The following KIF6 variants were observed in gnomAD, a reference collection of about 807,000 sequenced individuals.
KIF6 encodes kinesin family member 6, also known as kinesin-like protein KIF6.
KIF6 carries 106 observed loss-of-function variants against 112.7 expected under a neutral mutation model. That is an observed-to-expected ratio of 0.94 (90% confidence interval 0.80 to 1.11). The LOEUF (loss-of-function observed/expected upper bound fraction) is 1.11, where lower values mean the gene tolerates loss of function less well. Among genes scored for constraint, KIF6 ranks in the 50% least tolerant of loss-of-function variants. The pLI, the probability that KIF6 is intolerant of heterozygous loss-of-function variation, is 0.00. For missense variants in KIF6, 929 were observed against 964.0 expected, an observed-to-expected ratio of 0.96 and a Z score of 0.48; for synonymous variants, 339 against 339.9, an observed-to-expected ratio of 1.00 and a Z score of 0.03.
At chr6:39,642,311 A>G (rs1784948158) in intron 3 of KIF6, among the ~76,000 whole-genome samples, 1 of 152,198 alleles carries the variant, frequency 6.6e-6, no homozygotes, top group African/African-American at 2.4e-5. Flanking sequence ...ACAAACAGCT[A>G]AACTCAGTAG....
chr6:39,337,663 GC>G (rs772481794), intron 22 of KIF6, among the ~76,000 whole-genome samples: 1 of 151,948 alleles, frequency 6.6e-6, no homozygotes, highest in Non-Finnish European at 1.5e-5. Flanking sequence ...TTCTCTCCTT[GC>G]TTTTTCCTCC....
In KIF6 at chr6:39,457,667, G is replaced by A. The variant is rs541572625; in HGVS notation, c.1646-26506C>T. Among the ~76,000 whole-genome samples the A allele has an allele frequency of 2.3e-3, 348 of 151,664 alleles. 2 individuals carry two copies. Among genetic ancestry groups the A allele is most frequent in the African/African-American group, 7.5e-3 (310 of 41,316 alleles). On this transcript the variant is annotated intron_variant, in intron 13 of 22. Coordinates refer to ENST00000287152, the MANE Select transcript of KIF6 (RefSeq NM_145027.6). The stretch of plus-strand genomic sequence containing the variant: ...AAAGAGAGAAGAATCAAATAGACAC[G>A]ATAAAAAATGATAAAGGGGATATCA...
At chr6:39,685,452 G>A (rs1185948327) in intron 3 of KIF6, among the ~76,000 whole-genome samples, 1 of 152,170 alleles carries the variant, frequency 6.6e-6, no homozygotes, top group East Asian at 1.9e-4. Flanking sequence ...TGAGAGCAAG[G>A]GAAGGGAATG....
At chr6:39,534,601 G>A (rs1172810668) in intron 13 of KIF6, among the ~76,000 whole-genome samples, 1 of 152,212 alleles carries the variant, frequency 6.6e-6, no homozygotes, top group Non-Finnish European at 1.5e-5. Context: ...GTACCTAAAA[G>A]TGATGGGGAG....
At chr6:39,500,861 G>C (rs1776089146) in intron 13 of KIF6, among the ~76,000 whole-genome samples, 2 of 152,126 alleles carry the variant, frequency 1.3e-5, no homozygotes, top group Non-Finnish European at 2.9e-5. Context: ...CAGAGAGGTG[G>C]AAGCCCTCAG....
Position 39,412,971 on chromosome 6 carries a change from G to GAA in KIF6, c.1810+6975_1810+6976dup, listed in dbSNP as rs5875671. On this transcript the variant is annotated intron_variant, in intron 15 of 22. Coordinates refer to ENST00000287152, the MANE Select transcript of KIF6 (RefSeq NM_145027.6). ...CTTCTATCATGATAACCTTATTTTG[G>GAA]AAAAAAAAAATCTGATGTTTTAATA... Among the ~76,000 whole-genome samples, 134 of 150,252 alleles carry GAA rather than the reference G, an allele frequency of 8.9e-4. 2 individuals are homozygous for GAA. The highest frequency in any genetic ancestry group is 7.0e-3 in the East Asian group (36 of 5,120).
At chr6:39,384,198 T>C (rs956684418) in intron 16 of KIF6, among the ~76,000 whole-genome samples, 1 of 152,172 alleles carries the variant, frequency 6.6e-6, no homozygotes, top group African/African-American at 2.4e-5. Flanking sequence ...ACCAGCAACA[T>C]GAAGGCTGAA....
rs1431037553 is a variant in KIF6, at chr6:39,503,736, T to C, written c.1645+36267A>G. Among the ~76,000 whole-genome samples, 4 of 149,828 alleles carry C rather than the reference T, an allele frequency of 2.7e-5. No homozygotes were observed. The Admixed American group carries it at 2.7e-4, about 10-fold the overall frequency. On this transcript the variant is annotated intron_variant, in intron 13 of 22. Transcript: ENST00000287152. ...AACTGGAAAATCCAGAAGAATTGGA[T>C]AAATTCCTGAATACATACACCCTCT...
intron 2 of KIF6, among the ~76,000 whole-genome samples, chr6:39,716,455 T>C (rs1375870042): frequency 6.6e-6 from 1 of 152,180 alleles, no homozygotes; most frequent in East Asian, 1.9e-4. Context: ...CCATTAACTA[T>C]ATATTAAGCA....
In KIF6 at chr6:39,584,172, A is replaced by G. The variant is rs1781466886; in HGVS notation, c.1077+726T>C. Among the ~76,000 whole-genome samples the G allele has an allele frequency of 1.3e-5, 2 of 151,904 alleles. 1 individual carries two copies. Among genetic ancestry groups the G allele is most frequent in the South Asian group, 4.2e-4 (2 of 4,796 alleles). On this transcript the variant is annotated intron_variant, in intron 9 of 22. Coordinates refer to ENST00000287152, the MANE Select transcript of KIF6 (RefSeq NM_145027.6). ...CGCGGTGGCTCACACCTATAATCCT[A>G]GCACTTTGGGAGGCCAAGGTGGGTG...
At chr6:39,661,765 A>T (rs1786163190) in intron 3 of KIF6, among the ~76,000 whole-genome samples, 1 of 152,204 alleles carries the variant, frequency 6.6e-6, no homozygotes, top group Non-Finnish European at 1.5e-5. Context: ...GCCGTTGAAG[A>T]GTTACACAGA....
chr6:39,461,221 A>T (rs529568171), intron 13 of KIF6, among the ~76,000 whole-genome samples: 1 of 152,324 alleles, frequency 6.6e-6, no homozygotes, highest in South Asian at 2.1e-4. Context: ...GTCTATAATG[A>T]CAATTATAGC....
At position 39,560,272 on chromosome 6, in the gene KIF6, T is replaced by C. The variant is rs141199966; in HGVS notation, c.1182-14584A>G. ...CGTAGTGCAAGCATTGCCCACAGCA[T>C]CTAAATGTTTCCCCACTAATAATAT... On this transcript the variant is annotated intron_variant, in intron 10 of 22. Transcript: ENST00000287152. Among the ~76,000 whole-genome samples, 30 of 152,350 alleles carry C rather than the reference T, an allele frequency of 2.0e-4. 1 individual carries two copies. The highest frequency in any genetic ancestry group is 6.0e-4 in the African/African-American group (25 of 41,588).
intron 3 of KIF6, among the ~76,000 whole-genome samples, chr6:39,677,682 C>A (rs961926584): frequency 1.8e-5 from 2 of 110,782 alleles, no homozygotes; most frequent in East Asian, 2.9e-4. Context: ...TCCCTCCCCC[C>A]TCCCCCGACC....
At chr6:39,397,048 A>G (rs1162758460) in intron 15 of KIF6, among the ~76,000 whole-genome samples, 1 of 152,218 alleles carries the variant, frequency 6.6e-6, no homozygotes, top group Non-Finnish European at 1.5e-5. Context: ...AAGGGGGGAC[A>G]GTCACATGTC....
chr6:39,545,264 T>C (rs1332816488), intron 11 of KIF6, among the ~76,000 whole-genome samples: 1 of 152,200 alleles, frequency 6.6e-6, no homozygotes, highest in East Asian at 1.9e-4. Context: ...TATATCAAAC[T>C]GCTGAAAAAA....
chr6:39,410,675 A>T (rs1156289458), intron 15 of KIF6, among the ~76,000 whole-genome samples: 1 of 152,224 alleles, frequency 6.6e-6, no homozygotes, highest in Admixed American at 6.5e-5. Context: ...TACCTTACTA[A>T]TCACTATTAC....
chr6:39,597,883 C>T lies in KIF6; in HGVS notation c.640-1623G>A, dbSNP rs557346625. ...AAACATTAATAATAAATAAAGGACT[C>T]GGCCGGGTGTGGTGGCTCACGTCTG... On this transcript the variant is annotated intron_variant, in intron 6 of 22. Coordinates refer to ENST00000287152, the MANE Select transcript of KIF6 (RefSeq NM_145027.6). Among the ~76,000 whole-genome samples, 19 of 152,044 alleles carry T rather than the reference C, an allele frequency of 1.2e-4. No individual in the cohort carries two copies. In the South Asian group the frequency reaches 2.5e-3, roughly 20 times the overall value.
intron 19 of KIF6, among the ~76,000 whole-genome samples, chr6:39,350,864 CA>C (rs1284978969): frequency 5.9e-5 from 9 of 152,208 alleles, no homozygotes; most frequent in Admixed American, 5.2e-4. Context: ...GGCACTCCAA[CA>C]ACTGTTGGAG....
Sources: gnomAD v4.1 joint callset for allele counts (sites outside exome capture counted in the v4.1 genomes callset) on GRCh38, gnomAD v4.1.1 for gene constraint, MANE v1.5 for transcripts, NCBI Gene and HGNC (gene_info 2026-07-23, HGNC 2026-07-21) for gene names.